Variants in PMEL observed in about 807,000 individuals in gnomAD.
PMEL encodes the protein melanocyte protein PMEL.
PMEL carries 53 observed loss-of-function variants against 64.9 expected under a neutral mutation model. The ratio of observed to expected loss-of-function variants is 0.82; its 90% CI spans 0.66 to 1.03. PMEL has a LOEUF of 1.03. Ranked by LOEUF, PMEL falls within the 50% of genes least tolerant of loss-of-function variation. The pLI is 0.00. For synonymous variants in PMEL, 299 were observed against 316.2 expected (o/e 0.95, Z 0.58); for missense variants, 716 against 814.9 (o/e 0.88, Z 1.48).
intron 1 of PMEL, among the ~76,000 whole-genome samples, chr12:55,965,092 T>C (rs1889242850): frequency 6.6e-6 from 1 of 151,472 alleles, no homozygotes; most frequent in East Asian, 1.9e-4. Context: ...CATGCCCAGC[T>C]AATTTTTGTA....
Position 55,961,445 on chromosome 12 carries a change from T to C in PMEL, c.206A>G (p.Lys69Arg), listed in dbSNP as rs1411639946. 2.5e-6 allele frequency: 4 copies of C among 1,614,128 alleles called. No individual in the cohort carries two copies. The South Asian group carries it at 4.4e-5, about 18-fold the overall frequency. ...DCWRGGQVSLKVSNDGPTLIG... is the reference protein window; with the variant it reads ...DCWRGGQVSLRVSNDGPTLIG... Reference sequence around the variant, plus strand: ...CAGTGTAGGCCCATCATTACTGACCTTGAGGGACACTTGACCACCTGGGAA... The same window carrying C: ...CAGTGTAGGCCCATCATTACTGACCCTGAGGGACACTTGACCACCTGGGAA... The change falls in exon 3 of 11, where the codon AAG (lysine) becomes AGG (arginine). Residue 69 changes from lysine (K) to arginine (R), a missense_variant. Lys to Arg is a conservative substitution (Grantham distance 26, BLOSUM62 2). Transcript: ENST00000548747.
At chr12:55,961,773 G>A (rs368408126) in intron 1 of PMEL, 41 bp from the exon 2 acceptor site, 4 of 1,285,358 alleles carry the variant, frequency 3.1e-6, no homozygotes, top group Non-Finnish European at 3.4e-6. Context: ...GATCCTTTCA[G>A]TTCCTTCTCA....
At chr12:55,965,205 G>A (rs1290375904) in intron 1 of PMEL, among the ~76,000 whole-genome samples, 3 of 152,184 alleles carry the variant, frequency 2.0e-5, no homozygotes, top group Non-Finnish European at 4.4e-5. Context: ...GGGATTACAG[G>A]CGTGAGCCAC....
In PMEL at chr12:55,957,305, A is replaced by G; in HGVS notation, c.998T>C (p.Val333Ala). 1 of 1,608,576 alleles carries G rather than the reference A, an allele frequency of 6.2e-7. No homozygotes were observed. The highest frequency in any genetic ancestry group is 8.5e-7 in the Non-Finnish European group (1 of 1,176,172). Residue 333 changes from valine (V) to alanine (A), a missense_variant, in exon 6 of 11, where the codon GTG becomes GCG. By Grantham distance (64) the Val-to-Ala change is moderately conservative. Transcript: ENST00000548747. ...TGGCGCCTGACCAGGTGTAGTACCCACAACTTCTGTAGTAGGCACTTGGCC... is the reference window on the plus strand; with the variant it reads ...TGGCGCCTGACCAGGTGTAGTACCCGCAACTTCTGTAGTAGGCACTTGGCC... Reference protein sequence around the residue: ...TAGQVPTTEVVGTTPGQAPTA... With the variant: ...TAGQVPTTEVAGTTPGQAPTA...
chr12:55,957,004 G>C lies in PMEL; in HGVS notation c.1299C>G (p.Ile433Met). The change falls in exon 6 of 11, where the codon ATC (isoleucine) becomes ATG (methionine). Residue 433 changes from isoleucine (I) to methionine (M), a missense_variant. Ile to Met is a conservative substitution (Grantham distance 10). Coordinates refer to ENST00000548747, the MANE Select transcript of PMEL (RefSeq NM_001384361.1). ...TGGCATCTGGACCTTCAGGCTCAGG[G>C]ATAGGTAGCTCTCTAGCTGTGGTCT... ...WVETTARELPIPEPEGPDASS... is the reference protein window; with the variant it reads ...WVETTARELPMPEPEGPDASS... 6.2e-7 allele frequency: 1 copy of C among 1,614,210 alleles called. No individual in the cohort carries two copies. Among genetic ancestry groups the C allele is most frequent in the Non-Finnish European group, 8.5e-7 (1 of 1,180,010 alleles).
intron 4 of PMEL, 90 bp from the exon 5 acceptor site, chr12:55,958,174 A>G: frequency 7.5e-7 from 1 of 1,325,866 alleles, no homozygotes; most frequent in Non-Finnish European, 1.1e-6. Flanking sequence ...TGGAGATGGG[A>G]GGTCAGGAAG....
Position 55,956,815 on chromosome 12 carries a change from C to T in PMEL, c.1354+134G>A, listed in dbSNP as rs1452741766. On this transcript the variant is annotated intron_variant, in intron 6 of 10. Coordinates refer to ENST00000548747, the MANE Select transcript of PMEL (RefSeq NM_001384361.1). ...TAAGAGAGACTGGAGGGCTTTATAG[C>T]CAGGCCAGTGAGAACTCTGAGGGGA... is the stretch of plus-strand genomic sequence containing the variant. The T allele has an allele frequency of 5.4e-6, 5 of 929,010 alleles. No homozygotes were observed. The African/African-American group carries it at 6.6e-5, about 12-fold the overall frequency. 57.5% of individuals were successfully genotyped at this position (929,010 alleles called of 1,614,324 possible).
intron 3 of PMEL, among the ~76,000 whole-genome samples, chr12:55,960,407 ACT>A (rs1375249143): frequency 6.6e-6 from 1 of 151,394 alleles, no homozygotes; most frequent in East Asian, 1.9e-4. Flanking sequence ...ACAGGGTCTC[ACT>A]CTGTCACCCA....
intron 1 of PMEL, among the ~76,000 whole-genome samples, chr12:55,964,818 G>C (rs951048760): frequency 2.0e-5 from 3 of 151,364 alleles, no homozygotes; most frequent in African/African-American, 7.3e-5. Flanking sequence ...TAGAGATGGA[G>C]TTTCACCATA....
At chr12:55,962,029 T>TTTC (rs1249603196) in intron 1 of PMEL, among the ~76,000 whole-genome samples, 1 of 150,796 alleles carries the variant, frequency 6.6e-6, no homozygotes, top group Non-Finnish European at 1.5e-5. Flanking sequence ...AGAGATGGGG[T>TTTC]TTCTCCATGT....
chr12:55,963,386 T>A (rs1351912947), intron 1 of PMEL, among the ~76,000 whole-genome samples: 1 of 152,212 alleles, frequency 6.6e-6, no homozygotes, highest in Non-Finnish European at 1.5e-5. Flanking sequence ...CACATTTGCT[T>A]TGTTTATCCT....
chr12:55,965,544 G>A (rs1314090426), intron 1 of PMEL, among the ~76,000 whole-genome samples: 1 of 152,044 alleles, frequency 6.6e-6, no homozygotes, highest in Non-Finnish European at 1.5e-5. Flanking sequence ...CCCAAGAGGA[G>A]AGGATTGTAT....
At chr12:55,962,711 C>T (rs1889151670) in intron 1 of PMEL, among the ~76,000 whole-genome samples, 1 of 150,806 alleles carries the variant, frequency 6.6e-6, no homozygotes, top group Admixed American at 6.6e-5. Context: ...TTTAGTTTCG[C>T]CATGTTTCAT....
In PMEL at chr12:55,957,344, G is replaced by T. The variant is rs2071024; in HGVS notation, c.959C>A (p.Pro320His). The change falls in exon 6 of 11, where the codon CCT becomes CAT. Residue 320 changes from proline to histidine, a missense_variant. Transcript: ENST00000548747. ...TDGHRPTAEAPNTTAGQVPTT... is the reference protein window; with the variant it reads ...TDGHRPTAEAHNTTAGQVPTT... The stretch of plus-strand genomic sequence containing the variant: ...AGGCACTTGGCCAGCTGTGGTGTTA[G>T]GGGCCTCTGCAGTTGGCCTGTGCCC... 1,528 of 1,598,252 alleles carry T rather than the reference G, an allele frequency of 9.6e-4. 28 individuals are homozygous for T. The East Asian group carries it at 0.032, about 34-fold the overall frequency.
intron 1 of PMEL, among the ~76,000 whole-genome samples, chr12:55,965,120 G>T (rs1439214753): frequency 6.7e-6 from 1 of 149,796 alleles, no homozygotes; most frequent in South Asian, 2.1e-4. Flanking sequence ...TAGAGACGGG[G>T]GTTTCACCAT....
At chr12:55,955,708 G>C in intron 8 of PMEL, 39 bp from the exon 9 acceptor site, 1 of 1,609,634 alleles carries the variant, frequency 6.2e-7, no homozygotes, top group African/African-American at 1.3e-5. Flanking sequence ...GATCTGGGAA[G>C]GGACACTAAA....
intron 1 of PMEL, among the ~76,000 whole-genome samples, chr12:55,962,460 A>C (rs528856601): frequency 6.8e-6 from 1 of 147,342 alleles, no homozygotes; most frequent in East Asian, 2.0e-4. Context: ...AAAAAAAAAA[A>C]AAAAAAAAAA....
chr12:55,957,518 A>G lies in PMEL; in HGVS notation c.785T>C (p.Phe262Ser), dbSNP rs574108523. 3.1e-6 allele frequency: 5 copies of G among 1,614,018 alleles called. No homozygotes were observed. Among genetic ancestry groups the G allele is most frequent in the Non-Finnish European group, 4.2e-6 (5 of 1,179,996 alleles). The change falls in exon 6 of 11, where the codon TTT (phenylalanine) becomes TCT (serine). Residue 262 changes from phenylalanine (F) to serine (S), a missense_variant. Physicochemically the swap from Phe to Ser is radical, Grantham distance 155. Transcript: ENST00000548747. ...AEADLSYTWD[F>S]GDSSGTLISR... ...GATCAGGGTTCCACTACTGTCTCCA[A>G]AGTCCCAGGTGTAGGAGAGGTCAGC...
At chr12:55,956,583 A>G in intron 6 of PMEL, 1 of 314,800 alleles carries the variant, frequency 3.2e-6, no homozygotes, top group South Asian at 5.6e-5. Context: ...GGGTTGGGAA[A>G]TGGAAGGATC....
Sources: gnomAD v4.1 joint callset for allele counts (sites outside exome capture counted in the v4.1 genomes callset) on GRCh38, gnomAD v4.1.1 for gene constraint, MANE v1.5 for transcripts, NCBI Gene and HGNC (gene_info 2026-07-23, HGNC 2026-07-21) for gene names.